Variants in ABCA8 observed in about 807,000 individuals in gnomAD.
ABCA8 encodes the protein ABC-type organic anion transporter ABCA8.
In ABCA8, 177 loss-of-function variants were observed where a neutral mutation model predicts 192.3. The observed-to-expected ratio is 0.92, with a 90% confidence interval of 0.81 to 1.04. The LOEUF is 1.04. ABCA8 is among the 50% of genes least tolerant of loss of function. The pLI is 0.00. For missense variants in ABCA8, 1,915 were observed against 1,904.8 expected (o/e 1.01, Z -0.10); for synonymous variants, 642 against 690.2 (o/e 0.93, Z 1.09).
intron 23 of ABCA8, among the ~76,000 whole-genome samples, chr17:68,891,968 A>C (rs567027078): frequency 6.6e-6 from 1 of 152,228 alleles, no homozygotes; most frequent in African/African-American, 2.4e-5. Flanking sequence ...AACTCAAAAA[A>C]TATCCAACAT....
At chr17:68,870,988 AC>A (rs2143190804) in intron 37 of ABCA8, among the ~76,000 whole-genome samples, 1 of 151,962 alleles carries the variant, frequency 6.6e-6, no homozygotes, top group South Asian at 2.1e-4. Context: ...CAATTTCTCC[AC>A]CTCCTTAGCA....
At chr17:68,951,813 A>G (rs8068037) in intron 1 of ABCA8, among the ~76,000 whole-genome samples, 93,263 of 152,022 alleles carry the variant, frequency 0.61, 29,926 homozygotes, top group African/African-American at 0.8. Flanking sequence ...TTTGGTTACT[A>G]TATAAAAAAC....
Position 68,903,333 on chromosome 17 carries a change from C to A in ABCA8, c.2565G>T (p.Lys855Asn). The change falls in exon 20 of 40, where the codon AAG (lysine) becomes AAT (asparagine). Residue 855 changes from lysine (K) to asparagine (N), a missense_variant. Lys to Asn is a moderately conservative substitution (Grantham distance 94). Transcript: ENST00000586539. ...ICAIARVRLL[K>N]LKHERKALLA... is the part of the protein sequence containing the mutation. ...AAAGAGCTTTTCTTTCATGCTTTAA[C>A]TTTAACAAGCGAACCCTTGCAATTG... 1 of 1,614,180 alleles carries A rather than the reference C, an allele frequency of 6.2e-7. No individual in the cohort carries two copies. Among genetic ancestry groups the A allele is most frequent in the South Asian group, 1.1e-5 (1 of 91,072 alleles).
At position 68,883,843 on chromosome 17, in the gene ABCA8, A is replaced by T. The variant is rs772255644; in HGVS notation, c.3655T>A (p.Cys1219Ser). 1.2e-6 allele frequency: 2 copies of T among 1,600,188 alleles called. No homozygotes were observed. The highest frequency in any genetic ancestry group is 2.2e-5 in the East Asian group (1 of 44,508). The change falls in exon 29 of 40, where the codon TGT becomes AGT. Residue 1219 changes from cysteine to serine, a missense_variant. By Grantham distance (112) the Cys-to-Ser change is moderately radical. Coordinates refer to ENST00000586539, the MANE Select transcript of ABCA8 (RefSeq NM_001288985.2). ...HFIIFLFTLR[C>S]LEWKFGKKSM... Reference sequence around the variant, plus strand: ...TTCTTTCCAAACTTCCATTCCAGACATCGAAGAGTAAAAAGAAAAATGATA... The same window carrying T: ...TTCTTTCCAAACTTCCATTCCAGACTTCGAAGAGTAAAAAGAAAAATGATA...
At chr17:68,946,784 C>CA (rs927960618) in intron 2 of ABCA8, among the ~76,000 whole-genome samples, 4 of 151,674 alleles carry the variant, frequency 2.6e-5, no homozygotes, top group Non-Finnish European at 4.4e-5. Context: ...ACTAAAAATA[C>CA]AAAAAAATTA....
intron 24 of ABCA8, among the ~76,000 whole-genome samples, chr17:68,889,896 C>T (rs924995474): frequency 1.7e-4 from 26 of 152,144 alleles, no homozygotes; most frequent in South Asian, 4.1e-4. Context: ...TTCTGTTATA[C>T]TGCTGAATAG....
chr17:68,921,075 T>A (rs2143625613), intron 13 of ABCA8, among the ~76,000 whole-genome samples: 1 of 152,194 alleles, frequency 6.6e-6, no homozygotes, highest in East Asian at 1.9e-4. Flanking sequence ...CTGGAAACCA[T>A]CATTTTCAGC....
At chr17:68,935,898 A>G (rs2068053682) in intron 5 of ABCA8, among the ~76,000 whole-genome samples, 1 of 152,150 alleles carries the variant, frequency 6.6e-6, no homozygotes, top group Non-Finnish European at 1.5e-5. Flanking sequence ...GACTAGGGTA[A>G]AATGGTTATC....
chr17:68,890,607 A>G (rs1179654565), intron 24 of ABCA8, among the ~76,000 whole-genome samples: 1 of 152,082 alleles, frequency 6.6e-6, no homozygotes, highest in Non-Finnish European at 1.5e-5. Context: ...CAACCTCCGC[A>G]GTCCAGGTTC....
At chr17:68,871,273 C>T (rs544630604) in intron 37 of ABCA8, among the ~76,000 whole-genome samples, 5 of 152,158 alleles carry the variant, frequency 3.3e-5, no homozygotes, top group East Asian at 1.9e-4. Flanking sequence ...AACTTACTCC[C>T]GAGATAACCT....
At chr17:68,942,125 C>G (rs900532653) in intron 2 of ABCA8, 86 bp from the exon 3 acceptor site, 1 of 917,570 alleles carries the variant, frequency 1.1e-6, no homozygotes, top group Non-Finnish European at 1.7e-6. Flanking sequence ...AAAAACGTAG[C>G]CTAATACTCC....
intron 23 of ABCA8, among the ~76,000 whole-genome samples, chr17:68,892,914 A>G (rs1350109300): frequency 6.6e-6 from 1 of 152,128 alleles, no homozygotes; most frequent in Non-Finnish European, 1.5e-5. Context: ...GGAGGCCAAC[A>G]TCGGAAGATC....
At chr17:68,893,169 T>C (rs1456832381) in intron 23 of ABCA8, among the ~76,000 whole-genome samples, 1 of 152,206 alleles carries the variant, frequency 6.6e-6, no homozygotes, top group Non-Finnish European at 1.5e-5. Flanking sequence ...AGTTGTTTCA[T>C]GTTTATCATG....
intron 21 of ABCA8, among the ~76,000 whole-genome samples, chr17:68,895,791 G>T (rs922893088): frequency 3.9e-5 from 6 of 152,150 alleles, no homozygotes; most frequent in Non-Finnish European, 8.8e-5. Flanking sequence ...TCAATACCAG[G>T]CAAGAGTGGC....
rs1043159292 is a variant in ABCA8, at chr17:68,887,515, G to A, written c.3145-9C>T. On this transcript the variant is annotated splice_polypyrimidine_tract_variant and intron_variant, in intron 24 of 39. Transcript: ENST00000586539. ...TGGGACCGAGCTCTGTTCTAATTAG[G>A]AGACAGCAAAGATACAAAGTTTGTG... 3.2e-6 allele frequency: 5 copies of A among 1,586,296 alleles called. No homozygotes were observed. The African/African-American group carries it at 6.8e-5, about 22-fold the overall frequency.
At chr17:68,893,619 C>T (rs2066668426) in intron 23 of ABCA8, among the ~76,000 whole-genome samples, 1 of 151,332 alleles carries the variant, frequency 6.6e-6, no homozygotes, top group Admixed American at 6.6e-5. Context: ...TTCCTTCCTT[C>T]CTTCCTTCAT....
At chr17:68,949,855 C>G (rs2143818456) in intron 1 of ABCA8, among the ~76,000 whole-genome samples, 1 of 152,268 alleles carries the variant, frequency 6.6e-6, no homozygotes, top group Admixed American at 6.5e-5. Context: ...TGGGTAAAAG[C>G]TGGAAGCATT....
chr17:68,938,244 G>C (rs2068125813), intron 4 of ABCA8, among the ~76,000 whole-genome samples: 1 of 151,746 alleles, frequency 6.6e-6, no homozygotes, highest in Admixed American at 6.6e-5. Flanking sequence ...CCGTTGGAAA[G>C]CATATTTTGG....
intron 32 of ABCA8, chr17:68,879,888 G>A (rs571864837): frequency 2.0e-5 from 3 of 152,348 alleles, no homozygotes; most frequent in South Asian, 2.1e-4. Flanking sequence ...AGCTCAGCAT[G>A]GACTTGCAGG....
Sources: gnomAD v4.1 joint callset for allele counts (sites outside exome capture counted in the v4.1 genomes callset) on GRCh38, gnomAD v4.1.1 for gene constraint, MANE v1.5 for transcripts, NCBI Gene and HGNC (gene_info 2026-07-23, HGNC 2026-07-21) for gene names.